AGBL4: variants seen among roughly 807,000 people sequenced by gnomAD.
The protein encoded by AGBL4 is AGBL carboxypeptidase 4, also known as cytosolic carboxypeptidase 6.
AGBL4 carries 58 observed loss-of-function variants against 66.4 expected under a neutral mutation model. The ratio of observed to expected loss-of-function variants is 0.87; its 90% CI spans 0.71 to 1.09. The LOEUF (loss-of-function observed/expected upper bound fraction) is 1.09, where lower values mean the gene tolerates loss of function less well. Among genes scored for constraint, AGBL4 ranks in the 50% least tolerant of loss-of-function variants. The pLI, the probability that AGBL4 is intolerant of heterozygous loss-of-function variation, is 0.00. For synonymous variants in AGBL4, 234 were observed against 222.9 expected (o/e 1.05, Z -0.44); for missense variants, 579 against 631.0 (o/e 0.92, Z 0.88).
chr1:49,531,675 G>T (rs1432877095), intron 3 of AGBL4, among the ~76,000 whole-genome samples: 2 of 151,990 alleles, frequency 1.3e-5, no homozygotes, highest in African/African-American at 4.8e-5. Context: ...CCTATTTACA[G>T]ATAAGACAAC....
chr1:49,263,369 T>TA (rs947472131), intron 3 of AGBL4, among the ~76,000 whole-genome samples: 20 of 151,694 alleles, frequency 1.3e-4, no homozygotes, highest in African/African-American at 4.8e-4. Flanking sequence ...CAAAAAAAGA[T>TA]AAAAAAATAG....
rs561006651 is a variant in AGBL4, at chr1:48,552,513, G to A, written c.1268-12775C>T. On this transcript the variant is annotated intron_variant, in intron 11 of 13. Coordinates refer to ENST00000371839, the MANE Select transcript of AGBL4 (RefSeq NM_032785.4). ...TGGCTGTGCTCTCAATCTGTTTATAGTCCAGGTACTATTGACATGTTTGGC... is the reference window on the plus strand; with the variant it reads ...TGGCTGTGCTCTCAATCTGTTTATAATCCAGGTACTATTGACATGTTTGGC... Among the ~76,000 whole-genome samples the A allele has an allele frequency of 5.3e-5, 8 of 152,316 alleles. No individual in the cohort carries two copies. The South Asian group carries it at 1.5e-3, about 28-fold the overall frequency.
intron 5 of AGBL4, among the ~76,000 whole-genome samples, chr1:48,868,803 T>C (rs1648366585): frequency 6.6e-6 from 1 of 152,212 alleles, no homozygotes; most frequent in Non-Finnish European, 1.5e-5. Context: ...TCTTTCTTGG[T>C]AGAGAACCCA....
chr1:48,778,460 A>C (rs2148715016), intron 6 of AGBL4, among the ~76,000 whole-genome samples: 1 of 152,332 alleles, frequency 6.6e-6, no homozygotes, highest in African/African-American at 2.4e-5. Flanking sequence ...AAGTAATGAC[A>C]GTATAATGAG....
chr1:49,173,837 C>T (rs1191979801), intron 4 of AGBL4, among the ~76,000 whole-genome samples: 11 of 151,972 alleles, frequency 7.2e-5, no homozygotes, highest in African/African-American at 1.7e-4. Flanking sequence ...CAAAAAAGAC[C>T]AAGGCGTAGT....
At chr1:48,637,080 T>C (rs181624812) in intron 8 of AGBL4, among the ~76,000 whole-genome samples, 6 of 152,350 alleles carry the variant, frequency 3.9e-5, no homozygotes, top group African/African-American at 1.4e-4. Context: ...TACAGGTTTA[T>C]ATCCATTTAT....
At chr1:48,544,507 T>C (rs1372623050) in intron 11 of AGBL4, among the ~76,000 whole-genome samples, 1 of 152,212 alleles carries the variant, frequency 6.6e-6, no homozygotes, top group Non-Finnish European at 1.5e-5. Flanking sequence ...TACATGACCT[T>C]GCCACTCCTT....
intron 2 of AGBL4, among the ~76,000 whole-genome samples, chr1:49,801,416 T>C (rs1352501073): frequency 6.6e-6 from 1 of 152,206 alleles, no homozygotes. Context: ...TGCTAAGCCA[T>C]GCCCAGACTC....
At chr1:49,767,907 T>C (rs1417287416) in intron 2 of AGBL4, among the ~76,000 whole-genome samples, 1 of 151,316 alleles carries the variant, frequency 6.6e-6, no homozygotes, top group African/African-American at 2.4e-5. Flanking sequence ...CACGAAGAAA[T>C]TGAAACCCTG....
chr1:49,779,609 C>T (rs913266034), intron 2 of AGBL4, among the ~76,000 whole-genome samples: 1 of 152,098 alleles, frequency 6.6e-6, no homozygotes, highest in African/African-American at 2.4e-5. Flanking sequence ...GGTGCCTGGG[C>T]TAAGAATTCA....
At chr1:49,073,249 A>G (rs978014965) in intron 4 of AGBL4, among the ~76,000 whole-genome samples, 23 of 151,970 alleles carry the variant, frequency 1.5e-4, no homozygotes, top group African/African-American at 5.1e-4. Flanking sequence ...TACTTCTATG[A>G]GTTTGTCAAA....
intron 3 of AGBL4, among the ~76,000 whole-genome samples, chr1:49,289,165 G>C (rs896874175): frequency 6.6e-5 from 10 of 151,766 alleles, no homozygotes; most frequent in Admixed American, 3.9e-4. Flanking sequence ...AAATTTACTA[G>C]ACAACTAGAA....
At chr1:49,570,119 G>A (rs965801424) in intron 3 of AGBL4, among the ~76,000 whole-genome samples, 3 of 152,080 alleles carry the variant, frequency 2.0e-5, no homozygotes, top group Admixed American at 1.3e-4. Flanking sequence ...GGATCAAATG[G>A]TAGTTCTATT....
intron 9 of AGBL4, 35 bp from the exon 10 acceptor site, chr1:48,591,020 G>A: frequency 6.3e-7 from 1 of 1,578,256 alleles, no homozygotes; most frequent in Non-Finnish European, 8.6e-7. Context: ...GAGAAGTCTG[G>A]GCTGTAGAGC....
At chr1:49,656,714 A>G (rs975884675) in intron 3 of AGBL4, among the ~76,000 whole-genome samples, 1 of 152,226 alleles carries the variant, frequency 6.6e-6, no homozygotes, top group African/African-American at 2.4e-5. Flanking sequence ...ACGCAAATCA[A>G]TAAACATAAT....
intron 4 of AGBL4, among the ~76,000 whole-genome samples, chr1:49,192,911 G>T (rs1366320431): frequency 6.6e-6 from 1 of 152,106 alleles, no homozygotes. Flanking sequence ...CTCATTATTG[G>T]TCTGTCCAGG....
At chr1:49,884,475 A>T (rs1424753344) in intron 1 of AGBL4, among the ~76,000 whole-genome samples, 1 of 151,946 alleles carries the variant, frequency 6.6e-6, no homozygotes, top group African/African-American at 2.4e-5. Flanking sequence ...ATAAAGAAAG[A>T]TTTGGAAAAG....
chr1:49,757,465 A>C (rs1651977168), intron 2 of AGBL4, among the ~76,000 whole-genome samples: 1 of 152,198 alleles, frequency 6.6e-6, no homozygotes, highest in Admixed American at 6.5e-5. Flanking sequence ...AGCGTGGGAA[A>C]GTTTGGATCT....
At chr1:48,615,525 A>G (rs141933021) in intron 9 of AGBL4, among the ~76,000 whole-genome samples, 1 of 152,216 alleles carries the variant, frequency 6.6e-6, no homozygotes, top group Non-Finnish European at 1.5e-5. Context: ...TTAAAAGTTC[A>G]GTTTTCTTCC....
Sources: allele counts gnomAD v4.1 joint callset (sites outside exome capture counted in the v4.1 genomes callset), GRCh38; gene constraint gnomAD v4.1.1; transcripts MANE v1.5; gene names NCBI Gene and HGNC (gene_info 2026-07-23, HGNC 2026-07-21).